Variants in ANKRD44 observed in about 807,000 individuals in gnomAD.
ANKRD44 encodes serine/threonine-protein phosphatase 6 regulatory ankyrin repeat subunit B.
In ANKRD44, 35 loss-of-function variants were observed where a neutral mutation model predicts 116.0. The observed-to-expected ratio is 0.30, with a 90% confidence interval of 0.23 to 0.40. The LOEUF (loss-of-function observed/expected upper bound fraction) is 0.40, where lower values mean the gene tolerates loss of function less well. ANKRD44 is among the 10% of genes least tolerant of loss of function. The probability of loss-of-function intolerance (pLI) is 1.00; values close to 1 mark genes in which losing one functional copy is unlikely to be tolerated. For synonymous variants in ANKRD44, 435 were observed against 461.8 expected (o/e 0.94, Z 0.74); for missense variants, 1,014 against 1,242.6 (o/e 0.82, Z 2.77).
chr2:197,015,805 T>A, intron 17 of ANKRD44: 2 of 455,980 alleles, frequency 4.4e-6, no homozygotes, highest in Non-Finnish European at 8.4e-6. Flanking sequence ...TGGTGGGGGA[T>A]ATGGTGGTTA....
At chr2:197,304,967 G>A (rs2084024333) in intron 1 of ANKRD44, among the ~76,000 whole-genome samples, 3 of 152,202 alleles carry the variant, frequency 2.0e-5, no homozygotes, top group Non-Finnish European at 4.4e-5. Flanking sequence ...TCACTGTCAA[G>A]CCTGTGGTGA....
chr2:197,199,965 T>C (rs990634096), intron 1 of ANKRD44, among the ~76,000 whole-genome samples: 3 of 152,230 alleles, frequency 2.0e-5, no homozygotes, highest in African/African-American at 7.2e-5. Flanking sequence ...CTTATCCACA[T>C]TGCACAGAGA....
At position 197,232,558 on chromosome 2, in the gene ANKRD44, G is replaced by C. The variant is rs78591299; in HGVS notation, c.28-45452C>G. Among the ~76,000 whole-genome samples, 636 of 152,318 alleles carry C rather than the reference G, an allele frequency of 4.2e-3. 16 individuals carry two copies. In the South Asian group the frequency reaches 0.064, roughly 15 times the overall value. ...TCTCTGAAAAGGACTATGTGTCAAG[G>C]ATCTGTGACCATAATTAACAATTGT... On this transcript the variant is annotated intron_variant, in intron 1 of 27. Transcript: ENST00000282272.
In ANKRD44 at chr2:197,310,714, C is replaced by A; in HGVS notation, c.-110G>T. ...CAGGAGAAGGGAAAAAATCTGGCTC[C>A]CGAATTTGACAGCCCTCCCCCTGCT... On this transcript the variant is annotated 5_prime_UTR_variant, in exon 1 of 28. Coordinates refer to ENST00000282272, the MANE Select transcript of ANKRD44 (RefSeq NM_001195144.2). 1 of 1,156,476 alleles carries A rather than the reference C, an allele frequency of 8.6e-7. No individual in the cohort carries two copies. The highest frequency in any genetic ancestry group is 1.6e-5 in the South Asian group (1 of 61,214). The allele number at this position is 1,156,476 out of a possible 1,614,324, so 71.6% of individuals were successfully genotyped here.
At chr2:197,003,719 T>C (rs1574255100) in intron 21 of ANKRD44, among the ~76,000 whole-genome samples, 1 of 152,100 alleles carries the variant, frequency 6.6e-6, no homozygotes, top group East Asian at 1.9e-4. Flanking sequence ...CTGTGTCAGG[T>C]TTGCGGCCCG....
rs373176365 is a variant in ANKRD44 at position 197,272,447 on chromosome 2, A to G, written c.27+38131T>C. 1.5e-4 allele frequency among the ~76,000 whole-genome samples: 23 copies of G among 152,264 alleles called. No homozygotes were observed. In the South Asian group the frequency reaches 3.5e-3, roughly 23 times the overall value. On this transcript the variant is annotated intron_variant, in intron 1 of 27. Transcript: ENST00000282272. ...GAGATAGGGTTTCACCATGTTGGTCAGGCTGGTCTTGAACTCCTGACCTTG... is the reference window on the plus strand; with the variant it reads ...GAGATAGGGTTTCACCATGTTGGTCGGGCTGGTCTTGAACTCCTGACCTTG...
chr2:197,234,801 G>T (rs376798670), intron 1 of ANKRD44, among the ~76,000 whole-genome samples: 71 of 152,262 alleles, frequency 4.7e-4, no homozygotes, highest in African/African-American at 1.5e-3. Flanking sequence ...CTTGAGCAAA[G>T]TTCTTTCCAG....
rs1256041033 is a variant in ANKRD44, at chr2:197,139,943, G to A, written c.191-3281C>T. Among the ~76,000 whole-genome samples the A allele has an allele frequency of 6.0e-5, 9 of 149,964 alleles. No homozygotes were observed. The East Asian group carries it at 9.9e-4, about 17-fold the overall frequency. On this transcript the variant is annotated intron_variant, in intron 3 of 27. Coordinates refer to ENST00000282272, the MANE Select transcript of ANKRD44 (RefSeq NM_001195144.2). The stretch of plus-strand genomic sequence containing the variant: ...CACCCAGGCTGGAGTGCAGTGGTGC[G>A]ATCTCGGCTCACTGCAACATCTGCC...
intron 4 of ANKRD44, among the ~76,000 whole-genome samples, chr2:197,128,893 C>T (rs1156899065): frequency 6.6e-6 from 1 of 151,552 alleles, no homozygotes; most frequent in Non-Finnish European, 1.5e-5. Context: ...ACTTTTGAGC[C>T]AATACTTTTG....
intron 21 of ANKRD44, among the ~76,000 whole-genome samples, chr2:196,969,876 T>C (rs1466860746): frequency 6.6e-6 from 1 of 152,104 alleles, no homozygotes; most frequent in South Asian, 2.1e-4. Context: ...ATAAGAACCA[T>C]CAAAATATTA....
At chr2:196,982,408 TTG>T, downstream of ANKRD44, among the ~76,000 whole-genome samples, 2 of 152,280 alleles carry the variant, frequency 1.3e-5, no homozygotes, top group Non-Finnish European at 1.5e-5. Flanking sequence ...GGCTGTTTCC[TTG>T]GAGTAAACTT....
intron 2 of ANKRD44, among the ~76,000 whole-genome samples, chr2:197,154,264 C>G (rs2079746375): frequency 6.7e-6 from 1 of 149,342 alleles, no homozygotes; most frequent in Non-Finnish European, 1.5e-5. Context: ...ACTGCAAGCT[C>G]CGCCTCCCGG....
chr2:197,098,498 T>C (rs1449313355), intron 10 of ANKRD44, among the ~76,000 whole-genome samples: 2 of 152,206 alleles, frequency 1.3e-5, no homozygotes, highest in Non-Finnish European at 2.9e-5. Context: ...AAGGTTTTTC[T>C]TCTAAAAATT....
chr2:197,139,903 G>A (rs139648283), intron 3 of ANKRD44, among the ~76,000 whole-genome samples: 6,796 of 134,806 alleles, frequency 0.05, 526 homozygotes, highest in African/African-American at 0.17. Flanking sequence ...TGTGTGAAAC[G>A]GAGTCTTGCT....
intron 1 of ANKRD44, among the ~76,000 whole-genome samples, chr2:197,305,353 C>CG (rs558030474): frequency 5.1e-4 from 77 of 152,100 alleles, no homozygotes; most frequent in Non-Finnish European, 9.6e-4. Flanking sequence ...GAAATTTCTT[C>CG]GGGGGAAAAA....
At chr2:197,103,417 T>C (rs892072359) in intron 9 of ANKRD44, among the ~76,000 whole-genome samples, 1 of 152,104 alleles carries the variant, frequency 6.6e-6, no homozygotes, top group Non-Finnish European at 1.5e-5. Context: ...GGTGTGTTTG[T>C]TGACTGACTA....
At chr2:197,170,203 A>AAAAAAC (rs1553520909) in intron 2 of ANKRD44, among the ~76,000 whole-genome samples, 72 of 151,742 alleles carry the variant, frequency 4.7e-4, no homozygotes, top group African/African-American at 1.7e-3. Flanking sequence ...AAAAAAAAAA[A>AAAAAAC]AAAAAAAAAA....
At chr2:197,210,847 G>A (rs112142301) in intron 1 of ANKRD44, among the ~76,000 whole-genome samples, 5 of 152,290 alleles carry the variant, frequency 3.3e-5, no homozygotes, top group African/African-American at 1.2e-4. Flanking sequence ...ATGTCCTCCT[G>A]CCACCTTTGA....
intron 1 of ANKRD44, among the ~76,000 whole-genome samples, chr2:197,218,776 T>TTTTTTTTTTTTTTTTG (rs1491026501): frequency 1.2e-5 from 1 of 84,932 alleles, no homozygotes; most frequent in Non-Finnish European, 2.5e-5. Context: ...TTTTTTTTTT[T>TTTTTTTTTTTTTTTTG]TGAGATGGAG....
Sources: allele counts gnomAD v4.1 joint callset (sites outside exome capture counted in the v4.1 genomes callset), GRCh38; gene constraint gnomAD v4.1.1; transcripts MANE v1.5; gene names NCBI Gene and HGNC (gene_info 2026-07-23, HGNC 2026-07-21).